Variants in TBC1D1 observed in about 807,000 individuals in gnomAD.
TBC1D1 encodes TBC1 (tre-2/USP6, BUB2, cdc16) domain family, member 1.
TBC1D1 carries 89 observed loss-of-function variants against 125.6 expected under a neutral mutation model. The ratio of observed to expected loss-of-function variants is 0.71; its 90% CI spans 0.60 to 0.85. The LOEUF (loss-of-function observed/expected upper bound fraction) is 0.85. Ranked by LOEUF, TBC1D1 falls within the 40% of genes least tolerant of loss-of-function variation. TBC1D1 has a pLI of 0.00. For synonymous variants in TBC1D1, 565 were observed against 564.1 expected, an observed-to-expected ratio of 1.00 and a Z score of -0.02; for missense variants, 1,377 against 1,469.2, an observed-to-expected ratio of 0.94 and a Z score of 1.03.
At chr4:37,911,131 CTTTTTT>C (rs71658745) in intron 2 of TBC1D1, among the ~76,000 whole-genome samples, 5 of 94,888 alleles carry the variant, frequency 5.3e-5, no homozygotes, top group African/African-American at 4.0e-5. Flanking sequence ...TCCCCTCCTC[CTTTTTT>C]TTTTTTTTTT....
intron 15 of TBC1D1, among the ~76,000 whole-genome samples, chr4:38,113,013 C>A (rs943602816): frequency 8.5e-5 from 13 of 152,120 alleles, no homozygotes; most frequent in African/African-American, 3.1e-4. Flanking sequence ...AAATTTGGCC[C>A]AAGGTTTGCC....
chr4:37,902,404 A>G lies in TBC1D1; in HGVS notation c.309A>G (p.Lys103=), dbSNP rs1445832747. Residue 103 remains lysine, a synonymous_variant, in exon 2 of 20, where the codon AAA becomes AAG. Transcript: ENST00000261439. ...AGTGCAAGCCTCAGCGTGTTCACAAACTGATTCACAACAGTCATGACCCAA... is the reference window on the plus strand; with the variant it reads ...AGTGCAAGCCTCAGCGTGTTCACAAGCTGATTCACAACAGTCATGACCCAA... The G allele has an allele frequency of 1.9e-6, 3 of 1,614,186 alleles. No homozygotes were observed. The highest frequency in any genetic ancestry group is 2.5e-6 in the Non-Finnish European group (3 of 1,180,034).
At chr4:37,956,205 C>T (rs1035741828) in intron 2 of TBC1D1, among the ~76,000 whole-genome samples, 1 of 151,584 alleles carries the variant, frequency 6.6e-6, no homozygotes, top group Non-Finnish European at 1.5e-5. Flanking sequence ...GAGATGGGAG[C>T]GGGGGTTCTC....
rs1222953157 is a variant in TBC1D1 at position 37,902,475 on chromosome 4, G to A, written c.380G>A (p.Ser127Asn). ...AAGGAAGACGCTGTCCACCGGCAGA[G>A]TATCTGCTATGTGTTCAAAGCCGAT... The change falls in exon 2 of 20, where the codon AGT (serine) becomes AAT (asparagine). Residue 127 changes from serine (S) to asparagine (N), a missense_variant. Ser to Asn is a conservative substitution (Grantham distance 46, BLOSUM62 1). Around this residue, in one of 3 missense-constraint regions of TBC1D1, gnomAD observed 822 missense variants for 824.6 expected, o/e 1.00. Transcript: ENST00000261439. The A allele has an allele frequency of 1.9e-6, 3 of 1,612,988 alleles. No homozygotes were observed. Among genetic ancestry groups the A allele is most frequent in the Non-Finnish European group, 2.5e-6 (3 of 1,179,426 alleles).
Position 38,035,598 on chromosome 4 carries a change from C to T in TBC1D1, c.1313C>T (p.Pro438Leu), listed in dbSNP as rs760660471. 28 of 1,612,084 alleles carry T rather than the reference C, an allele frequency of 1.7e-5. No individual in the cohort carries two copies. In the Admixed American group the frequency reaches 2.7e-4, roughly 15 times the overall value. ...ATTTTTGTTTTAAAGAAATTGAGAC[C>T]GAGAAATGAGCAGCGAGAGAATGAA... is the stretch of plus-strand genomic sequence containing the variant. Residue 438 changes from proline to leucine, a missense_variant, in exon 8 of 20, where the codon CCG becomes CTG. Physicochemically the swap from Pro to Leu is moderately conservative, Grantham distance 98. This residue lies in a region of TBC1D1 where 822 missense variants were observed against 824.6 expected (regional missense o/e 1.00). Transcript: ENST00000261439.
chr4:38,050,715 C>T (rs1750362723), intron 11 of TBC1D1, among the ~76,000 whole-genome samples: 1 of 152,218 alleles, frequency 6.6e-6, no homozygotes, highest in Non-Finnish European at 1.5e-5. Flanking sequence ...CCGCAGAAGT[C>T]CCAGGACCTA....
intron 2 of TBC1D1, among the ~76,000 whole-genome samples, chr4:37,903,942 AT>A (rs1485363279): frequency 6.6e-6 from 1 of 152,224 alleles, no homozygotes; most frequent in African/African-American, 2.4e-5. Flanking sequence ...AAACTCTCAT[AT>A]TATAAATCAT....
chr4:38,096,784 A>G (rs1451391406), intron 14 of TBC1D1, among the ~76,000 whole-genome samples: 1 of 152,088 alleles, frequency 6.6e-6, no homozygotes, highest in Non-Finnish European at 1.5e-5. Flanking sequence ...GTGGACTTAT[A>G]TTTTGTCCAT....
chr4:38,026,468 G>A (rs1745106277), intron 6 of TBC1D1, among the ~76,000 whole-genome samples: 1 of 152,212 alleles, frequency 6.6e-6, no homozygotes, highest in South Asian at 2.1e-4. Context: ...CAAGTCCCTG[G>A]CTCAGCAGAT....
intron 8 of TBC1D1, among the ~76,000 whole-genome samples, chr4:38,039,691 T>G (rs960034876): frequency 5.3e-5 from 8 of 152,230 alleles, no homozygotes; most frequent in Admixed American, 2.0e-4. Flanking sequence ...AATTTCAGTA[T>G]AGCATCAGGA....
chr4:37,905,088 A>G (rs1013797727), intron 2 of TBC1D1, among the ~76,000 whole-genome samples: 2 of 152,246 alleles, frequency 1.3e-5, no homozygotes, highest in Non-Finnish European at 2.9e-5. Context: ...CCCTTTGACC[A>G]GCATCTAATT....
intron 2 of TBC1D1, among the ~76,000 whole-genome samples, chr4:37,943,738 A>C (rs1726062731): frequency 6.6e-6 from 1 of 152,166 alleles, no homozygotes; most frequent in African/African-American, 2.4e-5. Flanking sequence ...CCATTCATCT[A>C]ATCTTTTTTC....
At chr4:37,922,504 G>A (rs1029927190) in intron 2 of TBC1D1, among the ~76,000 whole-genome samples, 13 of 152,278 alleles carry the variant, frequency 8.5e-5, no homozygotes, top group South Asian at 4.1e-4. Context: ...CCTTTAAGCC[G>A]TCCTGAATCA....
chr4:37,924,233 G>T (rs543106110), intron 2 of TBC1D1, among the ~76,000 whole-genome samples: 1 of 151,968 alleles, frequency 6.6e-6, no homozygotes, highest in African/African-American at 2.4e-5. Context: ...ACAATCTCAT[G>T]GGATATTTTC....
chr4:38,112,716 A>T (rs1442317701), intron 15 of TBC1D1, among the ~76,000 whole-genome samples: 1 of 152,186 alleles, frequency 6.6e-6, no homozygotes, highest in Non-Finnish European at 1.5e-5. Flanking sequence ...TATTAGTGAA[A>T]TGGATGATGT....
chr4:38,052,194 T>TGTGTGTGTGTGTGTGA, intron 11 of TBC1D1, 134 bp downstream of exon 12: 2 of 580,888 alleles, frequency 3.4e-6, no homozygotes, highest in South Asian at 6.1e-5. Context: ...TGTGTGTGTG[T>TGTGTGTGTGTGTGTGA]GCGCGCGCGT....
In TBC1D1 at chr4:37,903,957, A is replaced by T. The variant is rs1186106243; in HGVS notation, c.417+1445A>T. On this transcript the variant is annotated intron_variant, in intron 2 of 19. Transcript: ENST00000261439. ...AAACTCTCATATTATAAATCATTTC[A>T]TGTTATTGTCCACACATCTCAAGTG... is the stretch of plus-strand genomic sequence containing the variant. Among the ~76,000 whole-genome samples, 4 of 152,202 alleles carry T rather than the reference A, an allele frequency of 2.6e-5. No individual in the cohort carries two copies. The East Asian group carries it at 5.8e-4, about 22-fold the overall frequency.
At chr4:38,112,493 C>G (rs1042131605) in intron 15 of TBC1D1, among the ~76,000 whole-genome samples, 2 of 152,144 alleles carry the variant, frequency 1.3e-5, no homozygotes, top group Non-Finnish European at 2.9e-5. Flanking sequence ...TTCATAGCAA[C>G]CATTTGCATT....
rs116230124 is a variant in TBC1D1 at position 38,016,483 on chromosome 4, C to A, written c.882+1510C>A. On this transcript the variant is annotated intron_variant, in intron 3 of 19. Coordinates refer to ENST00000261439, the MANE Select transcript of TBC1D1 (RefSeq NM_015173.4). The stretch of plus-strand genomic sequence containing the variant: ...TGAAATGTTGACATGGAGGAATAAT[C>A]GTATCAGTAAGACCAATAGCAGCCT... Among the ~76,000 whole-genome samples the A allele has an allele frequency of 4.6e-3, 698 of 152,306 alleles. 6 individuals carry two copies. The highest frequency in any genetic ancestry group is 0.016 in the African/African-American group (667 of 41,556).
Sources: allele counts gnomAD v4.1 joint callset (sites outside exome capture counted in the v4.1 genomes callset), GRCh38; gene constraint gnomAD v4.1.1; regional missense constraint gnomAD v4.1.1; transcripts MANE v1.5; gene names NCBI Gene and HGNC (gene_info 2026-07-23, HGNC 2026-07-21).